The following TRABD2B variants were observed in gnomAD, a reference collection of about 807,000 sequenced individuals.
TRABD2B encodes the protein TraB domain containing 2B.
A neutral mutation model predicts 40.1 loss-of-function variants in TRABD2B; 14 were observed. The ratio of observed to expected loss-of-function variants is 0.35; its 90% CI spans 0.23 to 0.55. The LOEUF is 0.55. TRABD2B is among the 20% of genes least tolerant of loss of function. The pLI is 0.90. For synonymous variants in TRABD2B, 263 were observed against 277.0 expected (o/e 0.95, Z 0.50); for missense variants, 541 against 648.6 (o/e 0.83, Z 1.80).
intron 2 of TRABD2B, among the ~76,000 whole-genome samples, chr1:47,975,846 G>A (rs1012897550): frequency 6.6e-6 from 1 of 152,144 alleles, no homozygotes; most frequent in African/African-American, 2.4e-5. Flanking sequence ...CCTGCAGGAA[G>A]GGCCAGGCTG....
In TRABD2B at chr1:47,764,950, G is replaced by C. The variant is rs935547889; in HGVS notation, c.*952C>G. The C allele has an allele frequency of 6.6e-6, 1 of 152,162 alleles. No homozygotes were observed. Among genetic ancestry groups the C allele is most frequent in the African/African-American group, 2.4e-5 (1 of 41,434 alleles). The allele number at this position is 152,162 out of a possible 1,614,324, so 9.4% of individuals were successfully genotyped here. Reference sequence around the variant, plus strand: ...AGTGCTTGCCACGCTGCAGGCTTTGGAAAAATGGCAGCTCTCATTACTATT... The same window carrying C: ...AGTGCTTGCCACGCTGCAGGCTTTGCAAAAATGGCAGCTCTCATTACTATT... On this transcript the variant is annotated 3_prime_UTR_variant, in exon 7 of 7. Transcript: ENST00000606738.
Position 47,761,216 on chromosome 1 carries a change from G to C in TRABD2B, c.*4686C>G, listed in dbSNP as rs1237579628. ...ATCCAGCAAAGTGAAGGAGTATCCA[G>C]AGTATCTCCGGAAAGGAAGAGCCCA... On this transcript the variant is annotated 3_prime_UTR_variant, in exon 7 of 7. Coordinates refer to ENST00000606738, the MANE Select transcript of TRABD2B (RefSeq NM_001194986.2). 6.6e-6 allele frequency: 1 copy of C among 152,366 alleles called. No individual in the cohort carries two copies. Among genetic ancestry groups the C allele is most frequent in the Non-Finnish European group, 1.5e-5 (1 of 68,152 alleles). The allele number at this position is 152,366 out of a possible 1,614,324, so 9.4% of individuals were successfully genotyped here.
chr1:47,882,426 A>G (rs1644318299), intron 2 of TRABD2B, among the ~76,000 whole-genome samples: 1 of 152,126 alleles, frequency 6.6e-6, no homozygotes. Flanking sequence ...TCTAGCCCAG[A>G]CCTTTGCAAA....
At chr1:47,839,660 G>A (rs748294771) in intron 2 of TRABD2B, among the ~76,000 whole-genome samples, 4 of 152,198 alleles carry the variant, frequency 2.6e-5, no homozygotes, top group Non-Finnish European at 4.4e-5. Flanking sequence ...CGAGGGTCTG[G>A]AGCAGGCCCA....
chr1:47,976,545 T>C (rs1273423650), intron 2 of TRABD2B, among the ~76,000 whole-genome samples: 2 of 152,148 alleles, frequency 1.3e-5, no homozygotes, highest in African/African-American at 4.8e-5. Context: ...GGAGCTAGCA[T>C]TGTAGTGATG....
intron 2 of TRABD2B, among the ~76,000 whole-genome samples, chr1:47,854,326 G>A (rs1643868696): frequency 6.6e-6 from 1 of 152,192 alleles, no homozygotes; most frequent in African/African-American, 2.4e-5. Flanking sequence ...CTCTCATGAG[G>A]CTGTTGCAGC....
intron 2 of TRABD2B, among the ~76,000 whole-genome samples, chr1:47,852,518 C>T (rs1645564266): frequency 6.6e-6 from 1 of 152,198 alleles, no homozygotes; most frequent in Non-Finnish European, 1.5e-5. Flanking sequence ...CTGAGCCTTC[C>T]CTGCAGCCCA....
At chr1:47,795,282 C>A (rs1254064164) in intron 3 of TRABD2B, among the ~76,000 whole-genome samples, 1 of 152,212 alleles carries the variant, frequency 6.6e-6, no homozygotes, top group Non-Finnish European at 1.5e-5. Context: ...GATGTGCTGG[C>A]AGTGCCAGGA....
chr1:47,903,581 G>A (rs542755323), intron 2 of TRABD2B, among the ~76,000 whole-genome samples: 7 of 152,228 alleles, frequency 4.6e-5, no homozygotes, highest in South Asian at 4.1e-4. Context: ...AGTTTCCTGC[G>A]GGGTGGAGTC....
At chr1:47,948,375 T>G (rs1645289549) in intron 2 of TRABD2B, among the ~76,000 whole-genome samples, 1 of 152,204 alleles carries the variant, frequency 6.6e-6, no homozygotes, top group African/African-American at 2.4e-5. Context: ...AGGCCGGAAC[T>G]GTCACCCCAG....
intron 2 of TRABD2B, among the ~76,000 whole-genome samples, chr1:47,990,807 A>ATT (rs1645997289): frequency 2.6e-5 from 2 of 76,194 alleles, no homozygotes; most frequent in Non-Finnish European, 5.2e-5. Flanking sequence ...ATATATATAT[A>ATT]TATATATATA....
chr1:47,907,347 T>A (rs899564680), intron 2 of TRABD2B, among the ~76,000 whole-genome samples: 1 of 152,204 alleles, frequency 6.6e-6, no homozygotes, highest in Non-Finnish European at 1.5e-5. Context: ...GAGATATTAA[T>A]GCAAGAACAG....
At chr1:47,980,822 A>C (rs1405968668) in intron 2 of TRABD2B, among the ~76,000 whole-genome samples, 1 of 152,028 alleles carries the variant, frequency 6.6e-6, no homozygotes, top group African/African-American at 2.4e-5. Context: ...TAGAAAATGG[A>C]CTATCTCACT....
In TRABD2B at chr1:47,794,655, T is replaced by C. The variant is rs748679292; in HGVS notation, c.919A>G (p.Met307Val). ...QELIYKRNER[M>V]GKRVMALLRE... is the part of the protein sequence containing the mutation. ...AGAAGCGCCATGACCCTCTTCCCCATGCGCTCATTCCTCTTGTAGATGAGC... is the reference window on the plus strand; with the variant it reads ...AGAAGCGCCATGACCCTCTTCCCCACGCGCTCATTCCTCTTGTAGATGAGC... The change falls in exon 4 of 7, where the codon ATG (methionine) becomes GTG (valine). Residue 307 changes from methionine to valine, a missense_variant. By Grantham distance (21) the Met-to-Val change is conservative. Transcript: ENST00000606738. The C allele has an allele frequency of 2.3e-5, 36 of 1,536,690 alleles. No homozygotes were observed. Among genetic ancestry groups the C allele is most frequent in the Non-Finnish European group, 3.0e-5 (34 of 1,146,972 alleles).
intron 2 of TRABD2B, among the ~76,000 whole-genome samples, chr1:47,841,235 C>T (rs1645392173): frequency 6.6e-6 from 1 of 152,172 alleles, no homozygotes; most frequent in Non-Finnish European, 1.5e-5. Context: ...GCTGTAGGGC[C>T]TTTGGACTCT....
In TRABD2B at chr1:47,803,452, T is replaced by C. The variant is rs575569505; in HGVS notation, c.667-1833A>G. 4.6e-5 allele frequency among the ~76,000 whole-genome samples: 7 copies of C among 152,190 alleles called. No homozygotes were observed. The South Asian group carries it at 1.2e-3, about 27-fold the overall frequency. ...CTAGACTGCTGGATGATGAGAGACA[T>C]GTGGCGCAGAGCCGTCCAGCGAAGG... On this transcript the variant is annotated intron_variant, in intron 2 of 6. Transcript: ENST00000606738.
intron 2 of TRABD2B, among the ~76,000 whole-genome samples, chr1:47,962,373 C>T (rs185660935): frequency 3.0e-4 from 45 of 152,068 alleles, no homozygotes; most frequent in Non-Finnish European, 4.9e-4. Context: ...AACAAACAAA[C>T]AAATAAATAA....
chr1:47,786,299 T>TC (rs148146898), intron 4 of TRABD2B, among the ~76,000 whole-genome samples: 1,621 of 152,354 alleles, frequency 0.011, 12 homozygotes, highest in Non-Finnish European at 0.018. Context: ...TCTCACACTG[T>TC]CCAGGAAGAA....
chr1:47,827,284 C>A (rs1023590198), intron 2 of TRABD2B, among the ~76,000 whole-genome samples: 1 of 152,254 alleles, frequency 6.6e-6, no homozygotes, highest in African/African-American at 2.4e-5. Context: ...TCAGGGAAAT[C>A]TGCAGGCAGT....
Sources: gnomAD v4.1 joint callset for allele counts (sites outside exome capture counted in the v4.1 genomes callset) on GRCh38, gnomAD v4.1.1 for gene constraint, MANE v1.5 for transcripts, NCBI Gene and HGNC (gene_info 2026-07-23, HGNC 2026-07-21) for gene names.